The following DOCK8 variants were observed in gnomAD, a reference collection of about 807,000 sequenced individuals.
DOCK8 encodes the protein dedicator of cytokinesis 8, also known as dedicator of cytokinesis protein 8.
A neutral mutation model predicts 245.6 loss-of-function variants in DOCK8; 141 were observed. The observed-to-expected ratio is 0.57, with a 90% CI of 0.50 to 0.66. DOCK8 has a LOEUF of 0.66. Among genes scored for constraint, DOCK8 ranks in the 30% least tolerant of loss-of-function variants. DOCK8 has a pLI of 0.00. For missense variants in DOCK8, 2,965 were observed against 2,603.4 expected (o/e 1.14, Z -3.02); for synonymous variants, 1,168 against 970.2 (o/e 1.20, Z -3.79).
intron 36 of DOCK8, among the ~76,000 whole-genome samples, chr9:430,679 AAAAG>A (rs1384795294): frequency 1.1e-4 from 17 of 151,874 alleles, no homozygotes; most frequent in Non-Finnish European, 1.8e-4. Flanking sequence ...CAAAAAAAAA[AAAAG>A]AAAGAAAGAA....
intron 10 of DOCK8, among the ~76,000 whole-genome samples, chr9:333,053 C>G (rs557896968): frequency 3.3e-5 from 5 of 152,196 alleles, no homozygotes; most frequent in African/African-American, 1.2e-4. Flanking sequence ...AAGGCCACCC[C>G]CTGTTGTCTT....
intron 1 of DOCK8, among the ~76,000 whole-genome samples, chr9:216,934 A>G (rs1018217684): frequency 2.0e-5 from 3 of 152,144 alleles, no homozygotes; most frequent in African/African-American, 7.2e-5. Flanking sequence ...TCTCTGCTAC[A>G]AAGTCACTGT....
At position 420,975 on chromosome 9, in the gene DOCK8, T is replaced by C. The variant is rs2056251703; in HGVS notation, c.4050T>C (p.Ser1350=). The C allele has an allele frequency of 1.2e-6, 2 of 1,614,064 alleles. No homozygotes were observed. The highest frequency in any genetic ancestry group is 2.7e-5 in the African/African-American group (2 of 74,926). The change falls in exon 32 of 48, where the codon AGT becomes AGC. Residue 1350 remains serine, a synonymous_variant. Transcript: ENST00000432829. ...GAAAACAGAGTTCTGACAAAGTCAG[T>C]ACCCAAGTCCTGCAGAAGTCAAGGG... ...YKGKQSSDKV[S]TQVLQKSRDV...
At chr9:414,981 T>C in intron 29 of DOCK8, 30 bp downstream of exon 29, 1 of 1,612,128 alleles carries the variant, frequency 6.2e-7, no homozygotes. Flanking sequence ...CTTTCTTGGA[T>C]TGTTGGGGGC....
intron 1 of DOCK8, among the ~76,000 whole-genome samples, chr9:235,977 C>G (rs923069389): frequency 6.6e-6 from 1 of 152,218 alleles, no homozygotes; most frequent in Non-Finnish European, 1.5e-5. Flanking sequence ...GCAGAAATCA[C>G]CCGTATTCTG....
intron 26 of DOCK8, among the ~76,000 whole-genome samples, chr9:404,539 A>C (rs1310628322): frequency 6.6e-6 from 1 of 152,246 alleles, no homozygotes; most frequent in East Asian, 1.9e-4. Flanking sequence ...ATACAGGCTC[A>C]TATGAGGTCA....
intron 30 of DOCK8, 103 bp downstream of exon 30, chr9:418,310 T>C: frequency 4.0e-6 from 6 of 1,490,726 alleles, no homozygotes; most frequent in Non-Finnish European, 5.6e-6. Flanking sequence ...CTCACTCTGT[T>C]GCACAGGCTG....
rs2056221256 is a variant in DOCK8, at chr9:420,309, T to C, written c.3841-92T>C. On this transcript the variant is annotated intron_variant, in intron 30 of 47. Coordinates refer to ENST00000432829, the MANE Select transcript of DOCK8 (RefSeq NM_203447.4). Reference sequence around the variant, plus strand: ...GTCATGGTATTTTAAGAGAACACTTTGAATTTTTCTGTTGCTTGACTGTTA... The same window carrying C: ...GTCATGGTATTTTAAGAGAACACTTCGAATTTTTCTGTTGCTTGACTGTTA... The C allele has an allele frequency of 1.4e-5, 19 of 1,374,654 alleles. No individual in the cohort carries two copies. In the South Asian group the frequency reaches 2.0e-4, roughly 14 times the overall value. 85.2% of individuals were successfully genotyped at this position (1,374,654 alleles called of 1,614,324 possible).
intron 2 of DOCK8, among the ~76,000 whole-genome samples, chr9:282,871 G>A (rs1310348211): frequency 6.6e-6 from 1 of 152,162 alleles, no homozygotes; most frequent in African/African-American, 2.4e-5. Flanking sequence ...TAATTTTGAA[G>A]TGTATATTTC....
intron 4 of DOCK8, among the ~76,000 whole-genome samples, chr9:292,358 G>C (rs1202856358): frequency 1.7e-5 from 2 of 117,140 alleles, no homozygotes; most frequent in Non-Finnish European, 3.2e-5. Context: ...TTGCACTCCA[G>C]CCTGGGCAAC....
rs372158095 is a variant in DOCK8 at position 391,501 on chromosome 9, G to T, written c.2970+935G>T. 7.9e-5 allele frequency among the ~76,000 whole-genome samples: 12 copies of T among 152,092 alleles called. No individual in the cohort carries two copies. The East Asian group carries it at 1.7e-3, about 22-fold the overall frequency. On this transcript the variant is annotated intron_variant, in intron 24 of 47. Coordinates refer to ENST00000432829, the MANE Select transcript of DOCK8 (RefSeq NM_203447.4). Reference sequence around the variant, plus strand: ...TATCCTAAAACTTCTACCATTACTCGAGCAGAAAAGCAAAAGGTATAGCCA... The same window carrying T: ...TATCCTAAAACTTCTACCATTACTCTAGCAGAAAAGCAAAAGGTATAGCCA...
At chr9:443,128 A>G (rs1384907260) in intron 42 of DOCK8, among the ~76,000 whole-genome samples, 1 of 152,218 alleles carries the variant, frequency 6.6e-6, no homozygotes, top group Non-Finnish European at 1.5e-5. Flanking sequence ...TTCCCAGGGT[A>G]CAGAAGGCGA....
intron 7 of DOCK8, among the ~76,000 whole-genome samples, chr9:325,103 A>C (rs906437088): frequency 3.4e-5 from 5 of 148,712 alleles, no homozygotes; most frequent in African/African-American, 7.5e-5. Flanking sequence ...TCAGAATAAC[A>C]ACCCCCGGCT....
chr9:364,178 A>T (rs2052866579), intron 14 of DOCK8, among the ~76,000 whole-genome samples: 1 of 152,202 alleles, frequency 6.6e-6, no homozygotes, highest in Admixed American at 6.5e-5. Context: ...GCTTATTTTT[A>T]GAGGAGACCA....
Position 289,532 on chromosome 9 carries a change from A to G in DOCK8, c.355A>G (p.Arg119Gly), listed in dbSNP as rs2048954801. The change falls in exon 4 of 48, where the codon AGG becomes GGG. Residue 119 changes from arginine to glycine, a missense_variant. Transcript: ENST00000432829. ...EEGVELDPHV[R>G]DCVQTYIREW... is the part of the protein sequence containing the mutation. ...TAGGGTTGAACTGGACCCTCATGTC[A>G]GGGACTGTGTTCAGACCTACATCCG... is the stretch of plus-strand genomic sequence containing the variant. The G allele has an allele frequency of 6.2e-7, 1 of 1,613,672 alleles. No homozygotes were observed. The highest frequency in any genetic ancestry group is 8.5e-7 in the Non-Finnish European group (1 of 1,179,708).
chr9:296,672 C>CA (rs2049271978), intron 4 of DOCK8, among the ~76,000 whole-genome samples: 2 of 152,180 alleles, frequency 1.3e-5, no homozygotes, highest in African/African-American at 4.8e-5. Flanking sequence ...TTTCCCTGAT[C>CA]AATAATTGCT....
chr9:271,481 A>G (rs976286167), intron 1 of DOCK8, 146 bp from the exon 2 acceptor site: 23 of 651,866 alleles, frequency 3.5e-5, no homozygotes, highest in Admixed American at 1.1e-4. Context: ...GTCCACTAAC[A>G]GGCCACTGAA....
rs368133450 is a variant in DOCK8, at chr9:286,527, C to G, written c.223C>G (p.Leu75Val). 3.5e-5 allele frequency: 56 copies of G among 1,614,022 alleles called. No homozygotes were observed. In the African/African-American group the frequency reaches 6.5e-4, roughly 19 times the overall value. Residue 75 changes from leucine (L) to valine (V), a missense_variant, in exon 3 of 48, where the codon CTG becomes GTG. Coordinates refer to ENST00000432829, the MANE Select transcript of DOCK8 (RefSeq NM_203447.4). ...EGLLMTHLNS[L>V]DVQLAQELGD... ...ACTTCTGATGACACACCTGAACAGC[C>G]TGGATGTGCAGCTTGCCCAGGAGCT... is the stretch of plus-strand genomic sequence containing the variant.
At chr9:392,798 C>G (rs2054258917) in intron 24 of DOCK8, among the ~76,000 whole-genome samples, 1 of 152,108 alleles carries the variant, frequency 6.6e-6, no homozygotes, top group African/African-American at 2.4e-5. Flanking sequence ...CCATTCCCCT[C>G]TTGTTTCTTG....
Sources: gnomAD v4.1 joint callset for allele counts (sites outside exome capture counted in the v4.1 genomes callset) on GRCh38, gnomAD v4.1.1 for gene constraint, MANE v1.5 for transcripts, NCBI Gene and HGNC (gene_info 2026-07-23, HGNC 2026-07-21) for gene names.